PRKACB: variants seen among roughly 807,000 people sequenced by gnomAD.
The protein encoded by PRKACB is cAMP-dependent protein kinase catalytic subunit beta.
In PRKACB, 16 loss-of-function variants were observed where a neutral mutation model predicts 51.4. That is an observed-to-expected ratio of 0.31 (90% CI 0.21 to 0.47). PRKACB has a LOEUF of 0.47. Ranked by LOEUF, PRKACB falls within the 20% of genes least tolerant of loss-of-function variation. The probability of loss-of-function intolerance (pLI) is 1.00; values close to 1 mark genes in which losing one functional copy is unlikely to be tolerated. For missense variants in PRKACB, 309 were observed against 464.5 expected (o/e 0.67, Z 3.08); for synonymous variants, 147 against 154.4 (o/e 0.95, Z 0.35).
chr1:84,120,212 G>A (rs78258136), intron 1 of PRKACB, among the ~76,000 whole-genome samples: 2 of 152,052 alleles, frequency 1.3e-5, no homozygotes, highest in African/African-American at 4.8e-5. Context: ...GTATTAAAAT[G>A]TCTCAACTGT....
At chr1:84,138,331 A>C (rs1360521841) in intron 1 of PRKACB, among the ~76,000 whole-genome samples, 1 of 152,198 alleles carries the variant, frequency 6.6e-6, no homozygotes, top group East Asian at 1.9e-4. Flanking sequence ...CAACAAAATA[A>C]ATAATGTAAT....
intron 5 of PRKACB, among the ~76,000 whole-genome samples, chr1:84,190,088 A>G (rs1434252365): frequency 6.6e-6 from 1 of 151,860 alleles, no homozygotes. Context: ...TAGGAAAAAT[A>G]TTTACCACCT....
At chr1:84,175,810 A>T in intron 1 of PRKACB, 1 of 1,570,256 alleles carries the variant, frequency 6.4e-7, no homozygotes, top group East Asian at 2.3e-5. Flanking sequence ...TTCCTTTGGT[A>T]TGCTCATTTC....
At chr1:84,126,874 CTG>C (rs1651665389) in intron 1 of PRKACB, among the ~76,000 whole-genome samples, 2 of 152,190 alleles carry the variant, frequency 1.3e-5, no homozygotes, top group African/African-American at 4.8e-5. Context: ...TGAAATCTGT[CTG>C]TTTTTCTTTC....
chr1:84,095,844 A>G (rs1197691276), intron 1 of PRKACB, among the ~76,000 whole-genome samples: 1 of 151,970 alleles, frequency 6.6e-6, no homozygotes, highest in Non-Finnish European at 1.5e-5. Flanking sequence ...TTGAGTTTCT[A>G]CTTGTAAATT....
At chr1:84,081,878 A>G (rs1212012268) in intron 1 of PRKACB, among the ~76,000 whole-genome samples, 1 of 152,200 alleles carries the variant, frequency 6.6e-6, no homozygotes, top group Non-Finnish European at 1.5e-5. Flanking sequence ...CATGTGACCT[A>G]GTGTTCGCAT....
At chr1:84,167,486 G>A (rs1657890170) in intron 1 of PRKACB, among the ~76,000 whole-genome samples, 1 of 151,508 alleles carries the variant, frequency 6.6e-6, no homozygotes, top group African/African-American at 2.4e-5. Context: ...CACTGACCCT[G>A]TGGAATTAGG....
upstream of PRKACB, among the ~76,000 whole-genome samples, chr1:84,142,846 C>A (rs1015166395): frequency 6.6e-6 from 1 of 152,028 alleles, no homozygotes; most frequent in Non-Finnish European, 1.5e-5. Context: ...TTTATGTAGT[C>A]CTAATTTGAT....
chr1:84,081,038 G>A (rs1647491836), intron 1 of PRKACB, among the ~76,000 whole-genome samples: 1 of 152,172 alleles, frequency 6.6e-6, no homozygotes, highest in Non-Finnish European at 1.5e-5. Context: ...TAACATTATG[G>A]AAAGTGGAAT....
At chr1:84,100,211 A>G (rs1340116366) in intron 1 of PRKACB, among the ~76,000 whole-genome samples, 1 of 152,108 alleles carries the variant, frequency 6.6e-6, no homozygotes, top group African/African-American at 2.4e-5. Context: ...TAAAACTGTC[A>G]GATCTCGTGA....
At chr1:84,210,275 A>G (rs1671934012) in intron 8 of PRKACB, among the ~76,000 whole-genome samples, 1 of 152,176 alleles carries the variant, frequency 6.6e-6, no homozygotes, top group Non-Finnish European at 1.5e-5. Flanking sequence ...ATATTAAAGA[A>G]AACACGTTGG....
At chr1:84,157,882 A>G (rs72710864) in intron 1 of PRKACB, among the ~76,000 whole-genome samples, 3,588 of 152,268 alleles carry the variant, frequency 0.024, 66 homozygotes, top group Non-Finnish European at 0.036. Context: ...CTGTGTGGAC[A>G]TATGTTTTTA....
At chr1:84,164,457 T>C (rs1454819824) in intron 1 of PRKACB, 1 of 1,555,598 alleles carries the variant, frequency 6.4e-7, no homozygotes, top group Admixed American at 1.9e-5. Flanking sequence ...TTTTTTCATA[T>C]CTTTGAAAGA....
chr1:84,232,465 CTTG>C, intron 9 of PRKACB, among the ~76,000 whole-genome samples: 1 of 152,186 alleles, frequency 6.6e-6, no homozygotes, highest in Admixed American at 6.5e-5. Context: ...AGTTCAATTC[CTTG>C]TTGACTTTCT....
intron 7 of PRKACB, among the ~76,000 whole-genome samples, chr1:84,199,832 G>GTTTATTTATTTATTTA (rs3051183): frequency 1.3e-4 from 19 of 149,498 alleles, no homozygotes; most frequent in African/African-American, 4.7e-4. Flanking sequence ...TTGACTATTT[G>GTTTATTTATTTATTTA]TTTATTTATT....
chr1:84,162,480 C>A (rs1405740658), intron 1 of PRKACB, among the ~76,000 whole-genome samples: 1 of 151,954 alleles, frequency 6.6e-6, no homozygotes, highest in South Asian at 2.1e-4. Flanking sequence ...TTTCTCCTGT[C>A]TTTTTCTGTG....
At chr1:84,145,516 G>GGTTT (rs1283010189) in intron 1 of PRKACB, among the ~76,000 whole-genome samples, 1 of 151,964 alleles carries the variant, frequency 6.6e-6, no homozygotes, top group Non-Finnish European at 1.5e-5. Flanking sequence ...TTTACTCCTA[G>GGTTT]GTTTATACAG....
intron 1 of PRKACB, among the ~76,000 whole-genome samples, chr1:84,083,062 AT>A (rs971025658): frequency 6.6e-6 from 1 of 152,210 alleles, no homozygotes; most frequent in Non-Finnish European, 1.5e-5. Context: ...TAGAAATAAA[AT>A]TTTGTGATTT....
intron 9 of PRKACB, among the ~76,000 whole-genome samples, chr1:84,215,645 T>C (rs756485794): frequency 6.6e-6 from 1 of 152,122 alleles, no homozygotes; most frequent in Non-Finnish European, 1.5e-5. Context: ...TAAAAGAAAC[T>C]AGTATTTTGT....
Sources: gnomAD v4.1 joint callset for allele counts (sites outside exome capture counted in the v4.1 genomes callset) on GRCh38, gnomAD v4.1.1 for gene constraint, MANE v1.5 for transcripts, NCBI Gene and HGNC (gene_info 2026-07-23, HGNC 2026-07-21) for gene names.